CNTRL: variants seen among roughly 807,000 people sequenced by gnomAD.
CNTRL encodes the protein 110 kDa centrosomal protein.
CNTRL carries 233 observed loss-of-function variants against 303.7 expected under a neutral mutation model. The observed-to-expected ratio is 0.77, with a 90% CI of 0.69 to 0.86. The LOEUF (loss-of-function observed/expected upper bound fraction) is 0.86. Ranked by LOEUF, CNTRL falls within the 40% of genes least tolerant of loss-of-function variation. The pLI, the probability that CNTRL is intolerant of heterozygous loss-of-function variation, is 0.00. For missense variants in CNTRL, 2,524 were observed against 2,650.6 expected (o/e 0.95, Z 1.05); for synonymous variants, 900 against 922.2 (o/e 0.98, Z 0.44).
chr9:121,112,267 A>T (rs1245893585), intron 8 of CNTRL, among the ~76,000 whole-genome samples, 192 bp from the exon 9 acceptor site: 3 of 152,206 alleles, frequency 2.0e-5, no homozygotes, highest in African/African-American at 7.2e-5. Flanking sequence ...ATGATCTCTG[A>T]TGAAATAATA....
At chr9:121,129,542 G>A (rs980684447) in intron 14 of CNTRL, among the ~76,000 whole-genome samples, 2 of 152,110 alleles carry the variant, frequency 1.3e-5, no homozygotes, top group East Asian at 1.9e-4. Context: ...TGGCTGAGAC[G>A]ATGGGGTTTT....
chr9:121,083,701 T>C (rs1474897618), intron 2 of CNTRL, among the ~76,000 whole-genome samples: 2 of 152,256 alleles, frequency 1.3e-5, no homozygotes, highest in Admixed American at 6.5e-5. Flanking sequence ...TATTACCAAG[T>C]ACTATGTACT....
intron 25 of CNTRL, among the ~76,000 whole-genome samples, chr9:121,151,387 C>CTTTTTTTTTTTTTTTTTTTT (rs71370632): frequency 3.9e-4 from 35 of 90,414 alleles, no homozygotes; most frequent in African/African-American, 6.1e-4. Flanking sequence ...TTTTCTTCTT[C>CTTTTTTTTTTTTTTTTTTTT]TTTTTTTTTT....
chr9:121,150,549 C>T, intron 25 of CNTRL, 66 bp downstream of exon 25: 1 of 1,450,684 alleles, frequency 6.9e-7, no homozygotes, highest in South Asian at 1.2e-5. Flanking sequence ...AGGTTATATA[C>T]TTAATGAGTT....
rs1309814141 is a variant in CNTRL, at chr9:121,150,480, C to T, written c.3960C>T (p.Asn1320=). 4.3e-6 allele frequency: 7 copies of T among 1,613,770 alleles called. No homozygotes were observed. In the East Asian group the frequency reaches 1.3e-4, roughly 31 times the overall value. The change falls in exon 25 of 44, where the codon AAC becomes AAT. Residue 1320 remains asparagine (N), a synonymous_variant. Coordinates refer to ENST00000373855, the MANE Select transcript of CNTRL (RefSeq NM_007018.6). ...ATTGCAACGTCCCTGAACACCATAA[C>T]TTAGTAAGTGGAAAGACATACAACT... ...VLHCNVPEHH[N]LENEVSRLED...
At chr9:121,161,348 C>A in intron 32 of CNTRL, 1 of 404,244 alleles carries the variant, frequency 2.5e-6, no homozygotes, top group South Asian at 1.1e-4. Context: ...ATCTGTATTT[C>A]AAAGGCCAAA....
At chr9:121,132,268 C>T in intron 14 of CNTRL, among the ~76,000 whole-genome samples, 1 of 152,208 alleles carries the variant, frequency 6.6e-6, no homozygotes, top group South Asian at 2.1e-4. Flanking sequence ...TCAGGTACAC[C>T]ATTCAAACGT....
In CNTRL at chr9:121,135,954, AGTTGG is replaced by A; in HGVS notation, c.2175_2179del (p.Leu726LysfsTer18). On this transcript the variant is annotated frameshift_variant, in exon 15 of 44. Transcript: ENST00000373855. LOFTEE classifies it high-confidence loss of function. ...GCTGAAGCCAACCAGCTCAAGGAAG[AGTTGG>A]AAAAAGTAACAAGACTTACCCAGGT... 6.2e-7 allele frequency: 1 copy of A among 1,611,826 alleles called. No homozygotes were observed. The highest frequency in any genetic ancestry group is 1.7e-5 in the Admixed American group (1 of 59,822).
intron 12 of CNTRL, among the ~76,000 whole-genome samples, chr9:121,122,777 C>A (rs987559798): frequency 2.0e-5 from 3 of 152,182 alleles, no homozygotes; most frequent in East Asian, 1.9e-4. Flanking sequence ...CTGAGAAATA[C>A]AATCCATTCT....
chr9:121,140,631 C>G lies in CNTRL; in HGVS notation c.2338-10C>G, dbSNP rs368425610. On this transcript the variant is annotated splice_polypyrimidine_tract_variant and intron_variant, in intron 16 of 43. Coordinates refer to ENST00000373855, the MANE Select transcript of CNTRL (RefSeq NM_007018.6). The stretch of plus-strand genomic sequence containing the variant: ...GTAATAGATAATCCCTATTTCATCC[C>G]CCTCCATAGGATGACAATAATCTGT... The G allele has an allele frequency of 2.5e-6, 4 of 1,598,164 alleles. No individual in the cohort carries two copies. The highest frequency in any genetic ancestry group is 3.4e-6 in the Non-Finnish European group (4 of 1,170,378).
At chr9:121,148,999 C>T (rs1426968624) in intron 24 of CNTRL, 138 bp downstream of exon 24, 8 of 721,340 alleles carry the variant, frequency 1.1e-5, no homozygotes, top group South Asian at 4.5e-5. Context: ...TCTTGGCCAG[C>T]GACCTCTTGT....
Position 121,112,513 on chromosome 9 carries a change from G to C in CNTRL, c.1057G>C (p.Glu353Gln), listed in dbSNP as rs1280231029. The C allele has an allele frequency of 6.2e-7, 1 of 1,612,746 alleles. No homozygotes were observed. Among genetic ancestry groups the C allele is most frequent in the Non-Finnish European group, 8.5e-7 (1 of 1,178,988 alleles). ...AGCATGTCAGAAGCAATATGAGCTG[G>C]AACAGGAATTGGCCTTTTATAAAAT... ...TRACQKQYEL[E>Q]QELAFYKIDA... The change falls in exon 9 of 44, where the codon GAA (glutamate) becomes CAA (glutamine). Residue 353 changes from glutamate (E) to glutamine (Q), a missense_variant. Coordinates refer to ENST00000373855, the MANE Select transcript of CNTRL (RefSeq NM_007018.6).
intron 14 of CNTRL, among the ~76,000 whole-genome samples, chr9:121,126,829 GT>G (rs58013302): frequency 6.7e-6 from 1 of 150,324 alleles, no homozygotes. Context: ...GTTTGTTTTG[GT>G]TTTTTTTTGA....
chr9:121,153,731 A>C (rs1305395273), intron 26 of CNTRL, among the ~76,000 whole-genome samples: 1 of 152,238 alleles, frequency 6.6e-6, no homozygotes, highest in Admixed American at 6.5e-5. Flanking sequence ...GAATTATGAC[A>C]GTTCCCCAGT....
intron 7 of CNTRL, among the ~76,000 whole-genome samples, chr9:121,103,315 A>G (rs1393245952): frequency 6.6e-6 from 1 of 152,250 alleles, no homozygotes; most frequent in Non-Finnish European, 1.5e-5. Flanking sequence ...TCCCTATTTA[A>G]TAAATGGTGA....
chr9:121,125,018 G>C (rs144806994), intron 13 of CNTRL, among the ~76,000 whole-genome samples: 344 of 151,972 alleles, frequency 2.3e-3, no homozygotes, highest in Non-Finnish European at 3.9e-3. Flanking sequence ...ACTGTACATG[G>C]GATGTGTGTG....
chr9:121,147,636 A>AC (rs2134145521), intron 23 of CNTRL, among the ~76,000 whole-genome samples: 1 of 152,282 alleles, frequency 6.6e-6, no homozygotes, highest in Admixed American at 6.5e-5. Context: ...GAATGTTGAA[A>AC]GTGAGGAGAA....
intron 7 of CNTRL, among the ~76,000 whole-genome samples, chr9:121,105,277 A>G (rs1027749793): frequency 1.3e-5 from 2 of 152,194 alleles, no homozygotes; most frequent in African/African-American, 4.8e-5. Flanking sequence ...TGAAAGATAG[A>G]TGGATCAGTT....
intron 2 of CNTRL, among the ~76,000 whole-genome samples, chr9:121,085,088 T>G (rs573778509): frequency 1.3e-5 from 2 of 152,332 alleles, no homozygotes; most frequent in South Asian, 2.1e-4. Flanking sequence ...TGATCAGATG[T>G]TTTTCATATA....
Sources: allele counts gnomAD v4.1 joint callset (sites outside exome capture counted in the v4.1 genomes callset), GRCh38; gene constraint gnomAD v4.1.1; transcripts MANE v1.5; gene names NCBI Gene and HGNC (gene_info 2026-07-23, HGNC 2026-07-21).